The following ADCY9 variants were observed in gnomAD, a reference collection of about 807,000 sequenced individuals.
ADCY9 encodes adenylate cyclase type 9.
In ADCY9, 50 loss-of-function variants were observed where a neutral mutation model predicts 101.5. The ratio of observed to expected loss-of-function variants is 0.49; its 90% CI spans 0.39 to 0.62. The LOEUF is 0.62. Among genes scored for constraint, ADCY9 ranks in the 20% least tolerant of loss-of-function variants. The probability of loss-of-function intolerance (pLI) is 0.00; values close to 1 mark genes in which losing one functional copy is unlikely to be tolerated. For synonymous variants in ADCY9, 905 were observed against 769.3 expected (o/e 1.18, Z -2.92); for missense variants, 1,662 against 1,800.4 (o/e 0.92, Z 1.39).
chr16:4,004,629 T>A (rs181292416), intron 3 of ADCY9, among the ~76,000 whole-genome samples: 1 of 152,220 alleles, frequency 6.6e-6, no homozygotes, highest in Admixed American at 6.5e-5. Context: ...CCAGGCACCA[T>A]GCTCGACACT....
At chr16:3,958,167 A>G (rs1294172340), downstream of ADCY9, among the ~76,000 whole-genome samples, 1 of 152,036 alleles carries the variant, frequency 6.6e-6, no homozygotes, top group Non-Finnish European at 1.5e-5. Flanking sequence ...TCACCAGCCA[A>G]CCCAAGCCAG....
intron 5 of ADCY9, among the ~76,000 whole-genome samples, chr16:3,991,833 G>A (rs1445470445): frequency 1.3e-5 from 2 of 151,580 alleles, no homozygotes; most frequent in African/African-American, 4.9e-5. Context: ...ACTCTGGGAG[G>A]GTGGGGTAGG....
rs963048283 is a variant in ADCY9 at position 3,976,619 on chromosome 16, C to T, written c.2828+863G>A. 2.0e-5 allele frequency among the ~76,000 whole-genome samples: 3 copies of T among 152,170 alleles called. 1 individual carries two copies. The highest frequency in any genetic ancestry group is 1.3e-4 in the Admixed American group (2 of 15,270). ...GTTCAGTGACTGGTCATTAATCCTA[C>T]GTCTCATGACATCATATGGGGAACT... On this transcript the variant is annotated intron_variant, in intron 9 of 10. Coordinates refer to ENST00000294016, the MANE Select transcript of ADCY9 (RefSeq NM_001116.4).
intron 2 of ADCY9, among the ~76,000 whole-genome samples, chr16:4,054,707 A>T (rs1676481990): frequency 6.6e-6 from 1 of 151,798 alleles, no homozygotes; most frequent in Non-Finnish European, 1.5e-5. Flanking sequence ...AGTAGCTGGG[A>T]CTACAGGTGC....
intron 2 of ADCY9, among the ~76,000 whole-genome samples, chr16:4,035,095 G>A (rs545421139): frequency 6.6e-6 from 1 of 152,182 alleles, no homozygotes; most frequent in Admixed American, 6.5e-5. Context: ...GATGTGACAC[G>A]ATCACCACCC....
At chr16:3,988,447 T>TGG (rs1196335358) in intron 6 of ADCY9, among the ~76,000 whole-genome samples, 1 of 22,940 alleles carries the variant, frequency 4.4e-5, no homozygotes, top group Admixed American at 5.5e-4. Context: ...CCAGGGCAGG[T>TGG]GGGGGGTTCC....
chr16:4,038,627 T>C (rs1315477368), intron 2 of ADCY9, among the ~76,000 whole-genome samples: 1 of 152,184 alleles, frequency 6.6e-6, no homozygotes, highest in Non-Finnish European at 1.5e-5. Flanking sequence ...CTTTGCAGTA[T>C]GAAGTCAGCA....
At position 4,115,997 on chromosome 16, in the gene ADCY9, G is replaced by C; in HGVS notation, c.-351C>G. 2 of 216,034 alleles carry C rather than the reference G, an allele frequency of 9.3e-6. No individual in the cohort carries two copies. Among genetic ancestry groups the C allele is most frequent in the Non-Finnish European group, 1.8e-5 (2 of 110,358 alleles). The allele number at this position is 216,034 out of a possible 1,614,324, so 13.4% of individuals were successfully genotyped here. A position where few individuals can be genotyped will look rare whatever the true frequency, so the allele number is the denominator to read the frequency against. On this transcript the variant is annotated 5_prime_UTR_variant, in exon 1 of 11. Coordinates refer to ENST00000294016, the MANE Select transcript of ADCY9 (RefSeq NM_001116.4). The surrounding 1 kb of genome is among the most constrained non-coding windows in gnomAD (Gnocchi z 6.2). ...CGGGCCCGGACCCCGACCCGGAGCA[G>C]CGAGCTTCGGCGGGCGCCCCCGGCT...
At chr16:4,079,174 G>C (rs2056886581) in intron 2 of ADCY9, among the ~76,000 whole-genome samples, 1 of 152,154 alleles carries the variant, frequency 6.6e-6, no homozygotes, top group African/African-American at 2.4e-5. Flanking sequence ...ATGATTCAAA[G>C]CTGGAAACAA....
At chr16:4,027,033 G>C (rs2056520554) in intron 2 of ADCY9, among the ~76,000 whole-genome samples, 1 of 152,140 alleles carries the variant, frequency 6.6e-6, no homozygotes, top group South Asian at 2.1e-4. Flanking sequence ...CAGGTGTAAC[G>C]TTGCAACTTC....
At chr16:3,981,376 C>T (rs922132083) in intron 7 of ADCY9, among the ~76,000 whole-genome samples, 2 of 152,138 alleles carry the variant, frequency 1.3e-5, no homozygotes, top group South Asian at 4.1e-4. Flanking sequence ...CAAGACGCTA[C>T]AGCTACCCAC....
At position 3,965,362 on chromosome 16, in the gene ADCY9, T is replaced by G; in HGVS notation, c.*413A>C. Reference sequence around the variant, plus strand: ...CAAAATAAACTCAAAAACAGGGTATTAGCCAGAGAACCGAAAATAGTGTCT... The same window carrying G: ...CAAAATAAACTCAAAAACAGGGTATGAGCCAGAGAACCGAAAATAGTGTCT... On this transcript the variant is annotated 3_prime_UTR_variant, in exon 11 of 11. Coordinates refer to ENST00000294016, the MANE Select transcript of ADCY9 (RefSeq NM_001116.4). 1 of 217,160 alleles carries G rather than the reference T, an allele frequency of 4.6e-6. No individual in the cohort carries two copies. The highest frequency in any genetic ancestry group is 9.2e-6 in the Non-Finnish European group (1 of 108,710). The allele number at this position is 217,160 out of a possible 1,614,324, so 13.5% of individuals were successfully genotyped here.
chr16:4,080,035 C>T (rs2056892153), intron 2 of ADCY9, among the ~76,000 whole-genome samples: 1 of 152,016 alleles, frequency 6.6e-6, no homozygotes, highest in Non-Finnish European at 1.5e-5. Flanking sequence ...GAAAGAAAAA[C>T]CTTCAAGCAA....
chr16:3,988,595 A>C (rs1597148107), intron 6 of ADCY9, among the ~76,000 whole-genome samples: 1 of 43,272 alleles, frequency 2.3e-5, no homozygotes, highest in Non-Finnish European at 4.1e-5. Flanking sequence ...CTTCCATGGC[A>C]GGTGGGGGGG....
rs190924716 is a variant in ADCY9 at position 4,045,831 on chromosome 16, T to C, written c.1694-38273A>G. On this transcript the variant is annotated intron_variant, in intron 2 of 10. Transcript: ENST00000294016. The stretch of plus-strand genomic sequence containing the variant: ...CTTTCACCTCAGCCGCCCGAGTAGC[T>C]GGGACTACAGACATGCACCACCATG... Among the ~76,000 whole-genome samples, 141 of 150,276 alleles carry C rather than the reference T, an allele frequency of 9.4e-4. 2 individuals are homozygous for C. The South Asian group carries it at 0.016, about 17-fold the overall frequency.
At position 3,983,239 on chromosome 16, in the gene ADCY9, A is replaced by G; in HGVS notation, c.2512T>C (p.Ser838Pro). Residue 838 changes from serine to proline, a missense_variant, in exon 7 of 11, where the codon TCC becomes CCC. By Grantham distance (74) the Ser-to-Pro change is moderately conservative. Transcript: ENST00000294016. ...LLLEVLSLAV[S>P]IRMVFFLEDV... ...AGTCCACGCGGCGCTTACCTGATGG[A>G]CACCGCGAGGGACAGCACCTCCAGC... 6.5e-7 allele frequency: 1 copy of G among 1,550,054 alleles called. No homozygotes were observed. Among genetic ancestry groups the G allele is most frequent in the East Asian group, 2.4e-5 (1 of 40,894 alleles).
chr16:4,017,465 A>G (rs1194515070), intron 2 of ADCY9, among the ~76,000 whole-genome samples: 1 of 149,240 alleles, frequency 6.7e-6, no homozygotes, highest in African/African-American at 2.4e-5. Context: ...CCAACATGGT[A>G]AAACCCTGTC....
At chr16:4,071,708 C>G (rs2056835690) in intron 2 of ADCY9, among the ~76,000 whole-genome samples, 1 of 152,198 alleles carries the variant, frequency 6.6e-6, no homozygotes, top group East Asian at 1.9e-4. Context: ...TGCAACAAGT[C>G]TCTAAAGAAG....
intron 2 of ADCY9, among the ~76,000 whole-genome samples, chr16:4,097,653 T>C (rs925425892): frequency 1.4e-5 from 2 of 147,884 alleles, no homozygotes; most frequent in African/African-American, 5.0e-5. Flanking sequence ...TTCAAGAGAT[T>C]CTCCTGCCTC....
Sources: gnomAD v4.1 joint callset for allele counts (sites outside exome capture counted in the v4.1 genomes callset) on GRCh38, gnomAD v4.1.1 for gene constraint, Gnocchi (gnomAD v3.1) non-coding constraint, MANE v1.5 for transcripts, NCBI Gene and HGNC (gene_info 2026-07-23, HGNC 2026-07-21) for gene names.